Variants in EPB41 observed in about 807,000 individuals in gnomAD.
EPB41 encodes the protein protein 4.1.
In EPB41, 65 loss-of-function variants were observed where a neutral mutation model predicts 108.0. The ratio of observed to expected loss-of-function variants is 0.60; its 90% CI spans 0.49 to 0.74. The LOEUF (loss-of-function observed/expected upper bound fraction) is 0.74, where lower values mean the gene tolerates loss of function less well. Ranked by LOEUF, EPB41 falls within the 30% of genes least tolerant of loss-of-function variation. The pLI is 0.00. For missense variants in EPB41, 875 were observed against 1,037.0 expected, an observed-to-expected ratio of 0.84 and a Z score of 2.15; for synonymous variants, 336 against 358.9, an observed-to-expected ratio of 0.94 and a Z score of 0.72.
chr1:28,892,501 C>T (rs1569894458), intron 1 of EPB41, among the ~76,000 whole-genome samples: 2 of 152,176 alleles, frequency 1.3e-5, no homozygotes, highest in Admixed American at 6.5e-5. Flanking sequence ...GTGGGTAGAT[C>T]ACCTGAGGTC....
At chr1:28,997,805 A>G (rs1052644699) in intron 4 of EPB41, among the ~76,000 whole-genome samples, 2 of 152,292 alleles carry the variant, frequency 1.3e-5, no homozygotes, top group African/African-American at 4.8e-5. Flanking sequence ...GGTCATAACG[A>G]TGAATCTGAC....
chr1:28,958,819 C>CAAAAAAAAAAAAAAAAAAA (rs35105287), intron 1 of EPB41, among the ~76,000 whole-genome samples: 1 of 65,762 alleles, frequency 1.5e-5, no homozygotes, highest in Non-Finnish European at 3.1e-5. Flanking sequence ...ACCCTGTCTC[C>CAAAAAAAAAAAAAAAAAAA]AAAAAAAAAA....
In EPB41 at chr1:28,977,022, G is replaced by T. The variant is rs145972656; in HGVS notation, c.-7-10409G>T. ...TGTGCACCACCATGTGCAGCTAATTGTTGTATTTTTAGTACAGACAGAGTT... is the reference window on the plus strand; with the variant it reads ...TGTGCACCACCATGTGCAGCTAATTTTTGTATTTTTAGTACAGACAGAGTT... On this transcript the variant is annotated intron_variant, in intron 1 of 20. Transcript: ENST00000343067. 3.8e-3 allele frequency among the ~76,000 whole-genome samples: 573 copies of T among 152,044 alleles called. 6 individuals are homozygous for T. Among genetic ancestry groups the T allele is most frequent in the African/African-American group, 0.013 (531 of 41,508 alleles).
At chr1:29,087,952 A>G (rs1659762313) in intron 16 of EPB41, among the ~76,000 whole-genome samples, 1 of 151,906 alleles carries the variant, frequency 6.6e-6, no homozygotes, top group Non-Finnish European at 1.5e-5. Context: ...TTTTTTTCAT[A>G]TTATTAAAAC....
In EPB41 at chr1:29,115,880, C is replaced by T; in HGVS notation, c.*6+77C>T. On this transcript the variant is annotated intron_variant, in intron 20 of 20. Coordinates refer to ENST00000343067, the MANE Select transcript of EPB41 (RefSeq NM_001376013.1). The surrounding 1 kb of genome is among the most constrained non-coding windows in gnomAD (Gnocchi z 4.4). ...GGGCTCTGGATGGGACCCTCGGACA[C>T]ACTGGGAGCCCATCCCCACAAAGAG... The T allele has an allele frequency of 1.8e-6, 2 of 1,115,690 alleles. No individual in the cohort carries two copies. Among genetic ancestry groups the T allele is most frequent in the Non-Finnish European group, 2.7e-6 (2 of 734,314 alleles). 69.1% of individuals were successfully genotyped at this position (1,115,690 alleles called of 1,614,324 possible).
At chr1:28,978,464 T>C (rs2149398484) in intron 1 of EPB41, among the ~76,000 whole-genome samples, 1 of 151,694 alleles carries the variant, frequency 6.6e-6, no homozygotes, top group African/African-American at 2.4e-5. Context: ...CTTTGTTGTG[T>C]TTATTTGGAA....
chr1:28,910,635 T>C (rs1170570169), upstream of EPB41, among the ~76,000 whole-genome samples: 1 of 152,178 alleles, frequency 6.6e-6, no homozygotes, highest in Non-Finnish European at 1.5e-5. Flanking sequence ...CCTTCCCCAC[T>C]GGTCACCACC....
intron 12 of EPB41, among the ~76,000 whole-genome samples, chr1:29,056,822 G>C (rs889291157): frequency 6.6e-6 from 1 of 151,960 alleles, no homozygotes; most frequent in African/African-American, 2.4e-5. Flanking sequence ...CACCGTACCC[G>C]GCTGGCCTCA....
chr1:29,060,560 A>G, intron 15 of EPB41, 76 bp downstream of exon 15: 1 of 1,341,236 alleles, frequency 7.5e-7, no homozygotes, highest in Non-Finnish European at 1.1e-6. Flanking sequence ...CCTTTTCTTC[A>G]TTCTGTGCTG....
chr1:28,887,246 C>G lies in EPB41; in HGVS notation c.-8+36C>G. On this transcript the variant is annotated intron_variant, in intron 1 of 16. Coordinates refer to the EPB41 transcript ENST00000347529. The surrounding 1 kb of genome is among the most constrained non-coding windows in gnomAD (Gnocchi z 4.9). ...ACCACCTGGGGGGCGACCCTCGGTCCCCGGGAGGGACGGGGTTAGGGACAG... is the reference window on the plus strand; with the variant it reads ...ACCACCTGGGGGGCGACCCTCGGTCGCCGGGAGGGACGGGGTTAGGGACAG... 5.5e-6 allele frequency: 7 copies of G among 1,278,134 alleles called. No individual in the cohort carries two copies. Among genetic ancestry groups the G allele is most frequent in the Non-Finnish European group, 7.1e-6 (7 of 983,952 alleles). The allele number at this position is 1,278,134 out of a possible 1,614,324, so 79.2% of individuals were successfully genotyped here.
intron 18 of EPB41, 149 bp from the exon 19 acceptor site, chr1:29,112,219 T>G (rs1669416608): frequency 6.0e-6 from 4 of 663,498 alleles, no homozygotes; most frequent in Middle Eastern, 8.0e-4. Flanking sequence ...CAGGCTGGTC[T>G]CAAACTCCTG....
chr1:28,932,762 T>G (rs1305094715), intron 1 of EPB41, among the ~76,000 whole-genome samples: 2 of 152,196 alleles, frequency 1.3e-5, no homozygotes, highest in Admixed American at 1.3e-4. Context: ...TGCAAATCAC[T>G]TAGAAGCAAA....
chr1:29,078,965 T>G (rs1655241052), intron 16 of EPB41, among the ~76,000 whole-genome samples: 1 of 152,036 alleles, frequency 6.6e-6, no homozygotes, highest in African/African-American at 2.4e-5. Context: ...GTTTTAGAGA[T>G]ATATAATGAA....
At chr1:29,068,023 G>C (rs1195087987) in intron 16 of EPB41, among the ~76,000 whole-genome samples, 2 of 152,124 alleles carry the variant, frequency 1.3e-5, no homozygotes, top group African/African-American at 4.8e-5. Flanking sequence ...AGTCATAAAG[G>C]GTCTAGTATT....
intron 2 of EPB41, among the ~76,000 whole-genome samples, chr1:28,990,334 T>TCCTTCCTTCCTTCCTTCCTTCCTC (rs2095985011): frequency 8.0e-6 from 1 of 125,132 alleles, no homozygotes; most frequent in Non-Finnish European, 1.7e-5. Flanking sequence ...CTTCCTTCCT[T>TCCTTCCTTCCTTCCTTCCTTCCTC]CCCTCCCTCC....
chr1:29,031,202 A>T (rs1396455217), intron 8 of EPB41, among the ~76,000 whole-genome samples: 10 of 152,210 alleles, frequency 6.6e-5, no homozygotes, highest in Non-Finnish European at 8.8e-5. Flanking sequence ...AAAGTTTCAT[A>T]TCCAAGCTAC....
intron 1 of EPB41, among the ~76,000 whole-genome samples, chr1:28,891,368 G>A (rs1417722213): frequency 1.3e-5 from 2 of 152,194 alleles, no homozygotes; most frequent in Non-Finnish European, 2.9e-5. Context: ...AAGAGACTGA[G>A]GTTGGAGAGG....
chr1:28,950,857 C>T (rs982680668), intron 1 of EPB41, among the ~76,000 whole-genome samples: 26 of 151,496 alleles, frequency 1.7e-4, no homozygotes, highest in Admixed American at 6.6e-5. Flanking sequence ...TTTTTTGAGA[C>T]GGAGTTTTGC....
chr1:29,087,065 C>G (rs1289808453), intron 16 of EPB41, among the ~76,000 whole-genome samples: 2 of 151,160 alleles, frequency 1.3e-5, no homozygotes, highest in African/African-American at 4.9e-5. Flanking sequence ...CTGCCTCAGC[C>G]TGAGTAGCTG....
Sources: gnomAD v4.1 joint callset for allele counts (sites outside exome capture counted in the v4.1 genomes callset) on GRCh38, gnomAD v4.1.1 for gene constraint, Gnocchi (gnomAD v3.1) non-coding constraint, MANE v1.5 for transcripts, NCBI Gene and HGNC (gene_info 2026-07-23, HGNC 2026-07-21) for gene names.